XYLT1: variants seen among roughly 807,000 people sequenced by gnomAD.
The protein encoded by XYLT1 is xylosyltransferase 1, also known as beta-D-xylosyltransferase 1.
In XYLT1, 36 loss-of-function variants were observed where a neutral mutation model predicts 91.3. The ratio of observed to expected loss-of-function variants is 0.39; its 90% CI spans 0.30 to 0.52. The LOEUF (loss-of-function observed/expected upper bound fraction) is 0.52, where lower values mean the gene tolerates loss of function less well. XYLT1 is among the 20% of genes least tolerant of loss of function. The probability of loss-of-function intolerance (pLI) is 0.68; values close to 1 mark genes in which losing one functional copy is unlikely to be tolerated. For synonymous variants in XYLT1, 588 were observed against 532.0 expected (o/e 1.11, Z -1.45); for missense variants, 1,242 against 1,284.5 (o/e 0.97, Z 0.51).
At chr16:17,257,464 G>A (rs764430953) in intron 3 of XYLT1, among the ~76,000 whole-genome samples, 12 of 152,182 alleles carry the variant, frequency 7.9e-5, no homozygotes, top group Non-Finnish European at 1.6e-4. Context: ...AAACCACTGA[G>A]CAAACGAATT....
intron 5 of XYLT1, among the ~76,000 whole-genome samples, chr16:17,187,192 G>T (rs1354134260): frequency 1.3e-5 from 2 of 151,840 alleles, no homozygotes; most frequent in African/African-American, 4.8e-5. Context: ...AGGAGTTCGA[G>T]ACCAGCCTGG....
rs565304078 is a variant in XYLT1, at chr16:17,375,517, C to T, written c.364-17467G>A. ...ACACACACACACAGAAAAGATTAGA[C>T]GAGAGGTCTGGAAAAACAAGTTGCT... On this transcript the variant is annotated intron_variant, in intron 1 of 11. Transcript: ENST00000261381. 4.6e-4 allele frequency among the ~76,000 whole-genome samples: 68 copies of T among 147,080 alleles called. 2 individuals carry two copies. The South Asian group carries it at 0.013, about 28-fold the overall frequency.
intron 9 of XYLT1, among the ~76,000 whole-genome samples, chr16:17,128,414 G>T (rs1025135251): frequency 2.6e-5 from 4 of 152,120 alleles, no homozygotes; most frequent in Non-Finnish European, 4.4e-5. Context: ...TACCAGATTT[G>T]ATAGAGCAAG....
chr16:17,124,916 G>A (rs937297522), intron 10 of XYLT1, among the ~76,000 whole-genome samples: 19 of 152,128 alleles, frequency 1.2e-4, no homozygotes, highest in African/African-American at 4.3e-4. Flanking sequence ...TTGCAATTTT[G>A]TAAGTGTGTC....
At chr16:17,341,699 A>C (rs1030078964) in intron 2 of XYLT1, among the ~76,000 whole-genome samples, 1 of 152,226 alleles carries the variant, frequency 6.6e-6, no homozygotes, top group African/African-American at 2.4e-5. Context: ...TTATCTCTGA[A>C]GAATAGGTAT....
chr16:17,370,367 C>T (rs965969011), intron 1 of XYLT1, among the ~76,000 whole-genome samples: 2 of 152,310 alleles, frequency 1.3e-5, no homozygotes, highest in South Asian at 2.1e-4. Flanking sequence ...TGCAGTGGGG[C>T]GGGGTTGGGG....
At chr16:17,167,442 C>T (rs1237309839) in intron 5 of XYLT1, among the ~76,000 whole-genome samples, 1 of 152,188 alleles carries the variant, frequency 6.6e-6, no homozygotes, top group Non-Finnish European at 1.5e-5. Context: ...CCTTCCATCT[C>T]GTGAATGGAT....
intron 1 of XYLT1, among the ~76,000 whole-genome samples, chr16:17,453,642 T>C (rs182753079): frequency 6.6e-6 from 1 of 152,308 alleles, no homozygotes; most frequent in Non-Finnish European, 1.5e-5. Context: ...AAAGGGATAT[T>C]TCAGCACAGA....
chr16:17,322,851 A>T (rs1190688322), intron 2 of XYLT1, among the ~76,000 whole-genome samples: 1 of 152,242 alleles, frequency 6.6e-6, no homozygotes, highest in Non-Finnish European at 1.5e-5. Context: ...CTCCATGCAG[A>T]CAGGAACTGT....
At chr16:17,151,973 C>T (rs1042203209) in intron 6 of XYLT1, among the ~76,000 whole-genome samples, 4 of 152,288 alleles carry the variant, frequency 2.6e-5, no homozygotes, top group South Asian at 2.1e-4. Context: ...ACAGGGCTCA[C>T]GTCACTGAAT....
chr16:17,253,467 C>T (rs558713161), intron 3 of XYLT1, among the ~76,000 whole-genome samples: 3 of 152,244 alleles, frequency 2.0e-5, no homozygotes, highest in African/African-American at 7.2e-5. Flanking sequence ...AGGAGAAGTG[C>T]AGGAACCCCT....
At chr16:17,359,992 C>A (rs933476144) in intron 1 of XYLT1, among the ~76,000 whole-genome samples, 3 of 152,142 alleles carry the variant, frequency 2.0e-5, no homozygotes, top group Non-Finnish European at 2.9e-5. Context: ...AGACCTGGTA[C>A]GAGCTTAGTG....
At position 17,181,126 on chromosome 16, in the gene XYLT1, G is replaced by A. The variant is rs116919763; in HGVS notation, c.1289+17086C>T. On this transcript the variant is annotated intron_variant, in intron 5 of 11. Transcript: ENST00000261381. ...AAGTGGAGAAATGGACTTGAGAAAT[G>A]GAATATGTTGTTTCACCTCATTGGG... 5.6e-3 allele frequency among the ~76,000 whole-genome samples: 854 copies of A among 152,288 alleles called. 5 individuals are homozygous for A. Among genetic ancestry groups the A allele is most frequent in the Middle Eastern group, 0.041 (12 of 294 alleles).
intron 2 of XYLT1, among the ~76,000 whole-genome samples, chr16:17,285,652 T>A (rs958821664): frequency 2.6e-5 from 4 of 152,196 alleles, no homozygotes; most frequent in Non-Finnish European, 5.9e-5. Flanking sequence ...CCTTCACCCC[T>A]CACCCTGGCT....
chr16:17,129,097 A>AAC (rs2030375960), intron 9 of XYLT1, among the ~76,000 whole-genome samples: 5 of 138,134 alleles, frequency 3.6e-5, no homozygotes, highest in Non-Finnish European at 7.8e-5. Flanking sequence ...AAAAAAAAAA[A>AAC]CTTGAACAGT....
chr16:17,410,441 A>G (rs1038818192), intron 1 of XYLT1, among the ~76,000 whole-genome samples: 1 of 152,138 alleles, frequency 6.6e-6, no homozygotes, highest in African/African-American at 2.4e-5. Context: ...GGGAAGAGAG[A>G]GCTTGTGCGG....
chr16:17,234,689 T>C (rs995366187), intron 3 of XYLT1, among the ~76,000 whole-genome samples: 9 of 72,052 alleles, frequency 1.2e-4, no homozygotes, highest in Non-Finnish European at 1.8e-4. Flanking sequence ...AACTGAGCCA[T>C]GTGATAAAAT....
chr16:17,330,818 G>T (rs981146755), intron 2 of XYLT1, among the ~76,000 whole-genome samples: 10 of 151,600 alleles, frequency 6.6e-5, no homozygotes, highest in Admixed American at 5.9e-4. Flanking sequence ...GAAAAGAAAA[G>T]AAAATGTCCC....
At chr16:17,286,122 C>T (rs1191145276) in intron 2 of XYLT1, among the ~76,000 whole-genome samples, 1 of 152,094 alleles carries the variant, frequency 6.6e-6, no homozygotes, top group Non-Finnish European at 1.5e-5. Context: ...TATTATTACT[C>T]CAAACATACT....
Sources: gnomAD v4.1 joint callset for allele counts (sites outside exome capture counted in the v4.1 genomes callset) on GRCh38, gnomAD v4.1.1 for gene constraint, MANE v1.5 for transcripts, NCBI Gene and HGNC (gene_info 2026-07-23, HGNC 2026-07-21) for gene names.